Variants in CEP128 observed in about 807,000 individuals in gnomAD.
CEP128 encodes centrosomal protein 128.
Under a neutral mutation model 156.7 loss-of-function variants are expected in CEP128, and 132 were observed. The ratio of observed to expected loss-of-function variants is 0.84; its 90% CI spans 0.73 to 0.97. CEP128 has a LOEUF of 0.97. CEP128 is among the 50% of genes least tolerant of loss of function. The pLI is 0.00. For synonymous variants in CEP128, 469 were observed against 448.9 expected, an observed-to-expected ratio of 1.04 and a Z score of -0.57; for missense variants, 1,252 against 1,281.9, an observed-to-expected ratio of 0.98 and a Z score of 0.36.
intron 19 of CEP128, among the ~76,000 whole-genome samples, chr14:80,659,724 G>A (rs1895319682): frequency 6.6e-6 from 1 of 152,182 alleles, no homozygotes; most frequent in African/African-American, 2.4e-5. Context: ...CGGTTACAGT[G>A]AAAACTAGTG....
intron 18 of CEP128, among the ~76,000 whole-genome samples, chr14:80,752,705 G>T (rs901310314): frequency 6.6e-6 from 1 of 152,166 alleles, no homozygotes; most frequent in Admixed American, 6.5e-5. Context: ...ACACAACCAA[G>T]GGAGACAAAT....
chr14:80,816,473 A>G (rs763645869), intron 13 of CEP128, among the ~76,000 whole-genome samples: 2 of 152,170 alleles, frequency 1.3e-5, no homozygotes, highest in African/African-American at 2.4e-5. Context: ...TCACTCAAAC[A>G]GTGAATGTTC....
chr14:80,656,237 T>C (rs1895129176), intron 19 of CEP128, among the ~76,000 whole-genome samples: 2 of 126,906 alleles, frequency 1.6e-5, no homozygotes, highest in African/African-American at 2.9e-5. Flanking sequence ...CAATTGAAAG[T>C]GAAGGATCCT....
chr14:80,482,453 A>G (rs1343049632), intron 14 of CEP128, among the ~76,000 whole-genome samples: 1 of 152,246 alleles, frequency 6.6e-6, no homozygotes, highest in Non-Finnish European at 1.5e-5. Context: ...CCAAAGGCAT[A>G]CAGTTTCTTT....
chr14:80,567,452 T>G (rs1356567986), intron 20 of CEP128, among the ~76,000 whole-genome samples: 3 of 152,146 alleles, frequency 2.0e-5, no homozygotes, highest in Non-Finnish European at 4.4e-5. Flanking sequence ...TTATTTAAAA[T>G]CCCTATACAT....
Position 80,590,235 on chromosome 14 carries a change from G to A in CEP128, c.2807-9812C>T, listed in dbSNP as rs78539909. Reference sequence around the variant, plus strand: ...AAATTTCCAAATTTTCATAAGAGACGTAACTCTTGGATTGAAGAACCTATG... The same window carrying A: ...AAATTTCCAAATTTTCATAAGAGACATAACTCTTGGATTGAAGAACCTATG... On this transcript the variant is annotated intron_variant, in intron 19 of 24. Coordinates refer to ENST00000555265, the MANE Select transcript of CEP128 (RefSeq NM_152446.5). Among the ~76,000 whole-genome samples, 430 of 152,166 alleles carry A rather than the reference G, an allele frequency of 2.8e-3. 11 individuals are homozygous for A. In the East Asian group the frequency reaches 0.058, roughly 21 times the overall value.
chr14:80,663,397 T>C (rs1472829567), intron 19 of CEP128, among the ~76,000 whole-genome samples: 1 of 152,164 alleles, frequency 6.6e-6, no homozygotes, highest in Non-Finnish European at 1.5e-5. Flanking sequence ...GCAAAAGTTT[T>C]CAAAACAGTA....
In CEP128 at chr14:80,743,268, C is replaced by T; in HGVS notation, c.2614-1G>A. On this transcript the variant is annotated splice_acceptor_variant, in intron 18 of 24. Coordinates refer to ENST00000555265, the MANE Select transcript of CEP128 (RefSeq NM_152446.5). LOFTEE classifies it high-confidence loss of function. ...CCTCACAGAGCCACTGAAGTTTAGT[C>T]TAAAAAATAACATTTATATCTAATG... 1 of 1,605,478 alleles carries T rather than the reference C, an allele frequency of 6.2e-7. No individual in the cohort carries two copies. The highest frequency in any genetic ancestry group is 8.5e-7 in the Non-Finnish European group (1 of 1,174,218).
intron 12 of CEP128, among the ~76,000 whole-genome samples, chr14:80,833,805 G>A (rs1337965729): frequency 6.6e-6 from 1 of 152,174 alleles, no homozygotes; most frequent in Non-Finnish European, 1.5e-5. Context: ...GAATAAGAAA[G>A]AGAATGTTGC....
chr14:80,710,932 G>A (rs17111027), intron 19 of CEP128, among the ~76,000 whole-genome samples: 4,975 of 152,118 alleles, frequency 0.033, 254 homozygotes, highest in African/African-American at 0.11. Context: ...AAAAATTATC[G>A]TCTGAAATCA....
At chr14:80,577,098 G>C (rs933740527) in intron 20 of CEP128, among the ~76,000 whole-genome samples, 1 of 152,074 alleles carries the variant, frequency 6.6e-6, no homozygotes, top group Non-Finnish European at 1.5e-5. Flanking sequence ...AACACTATAT[G>C]TTCCTGAAAT....
At position 80,761,503 on chromosome 14, in the gene CEP128, A is replaced by G; in HGVS notation, c.2487T>C (p.Gly829=). The part of the protein sequence containing the change: ...CLETEQESIL[G]VIGKEIDAAC... ...CTGCATCAATTTCCTTTCCTATCACACCAAGAATGGATTCCTGTTCAGTCT... is the reference window on the plus strand; with the variant it reads ...CTGCATCAATTTCCTTTCCTATCACGCCAAGAATGGATTCCTGTTCAGTCT... Residue 829 remains glycine (G), a synonymous_variant, in exon 17 of 25, where the codon GGT becomes GGC. Coordinates refer to ENST00000555265, the MANE Select transcript of CEP128 (RefSeq NM_152446.5). 6.2e-7 allele frequency: 1 copy of G among 1,612,582 alleles called. No individual in the cohort carries two copies. The highest frequency in any genetic ancestry group is 8.5e-7 in the Non-Finnish European group (1 of 1,178,942).
chr14:80,759,927 T>C (rs1162880230), intron 17 of CEP128, among the ~76,000 whole-genome samples: 2 of 139,526 alleles, frequency 1.4e-5, no homozygotes, highest in East Asian at 4.2e-4. Flanking sequence ...TGTGTGTGTG[T>C]GTGTGTATAC....
At chr14:80,863,790 T>C (rs1887634658) in intron 8 of CEP128, among the ~76,000 whole-genome samples, 1 of 152,118 alleles carries the variant, frequency 6.6e-6, no homozygotes, top group African/African-American at 2.4e-5. Context: ...CTAAAGTGAA[T>C]TAGGGAGGTA....
chr14:80,904,253 T>C (rs1022368900), intron 6 of CEP128, among the ~76,000 whole-genome samples: 2 of 152,022 alleles, frequency 1.3e-5, no homozygotes, highest in African/African-American at 4.8e-5. Context: ...AGACAAACAC[T>C]ATATGATCCC....
chr14:80,953,473 T>C (rs1886512081), intron 2 of CEP128, among the ~76,000 whole-genome samples: 1 of 152,072 alleles, frequency 6.6e-6, no homozygotes, highest in South Asian at 2.1e-4. Context: ...TAATCCCAGC[T>C]ACTCTGGAGG....
intron 8 of CEP128, among the ~76,000 whole-genome samples, chr14:80,870,913 A>AATTAAACAT (rs1887993300): frequency 6.6e-6 from 1 of 152,054 alleles, no homozygotes; most frequent in Non-Finnish European, 1.5e-5. Flanking sequence ...CAGAAATCAA[A>AATTAAACAT]ATTAAACATA....
chr14:80,932,024 C>T (rs892915560), intron 2 of CEP128, among the ~76,000 whole-genome samples: 1 of 152,100 alleles, frequency 6.6e-6, no homozygotes, highest in African/African-American at 2.4e-5. Flanking sequence ...GGGGCAGTTA[C>T]CCCCATGCTG....
rs779195113 is a variant in CEP128, at chr14:80,799,563, G to A, written c.1210-6453C>T. Among the ~76,000 whole-genome samples the A allele has an allele frequency of 5.3e-5, 8 of 152,228 alleles. No homozygotes were observed. The East Asian group carries it at 9.7e-4, about 18-fold the overall frequency. On this transcript the variant is annotated intron_variant, in intron 13 of 24. Transcript: ENST00000555265. ...TTCTTCTTGCAGAGAGCCTATAAAC[G>A]GACATGCAAGTAGGGAAGATATCGC...
Sources: allele counts gnomAD v4.1 joint callset (sites outside exome capture counted in the v4.1 genomes callset), GRCh38; gene constraint gnomAD v4.1.1; transcripts MANE v1.5; gene names NCBI Gene and HGNC (gene_info 2026-07-23, HGNC 2026-07-21).